The following GALNT17 variants were observed in gnomAD, a reference collection of about 807,000 sequenced individuals.
GALNT17 encodes the protein UDP-GalNAc:polypeptide N-acetylgalactosaminyltransferase-like 3.
Under a neutral mutation model 63.7 loss-of-function variants are expected in GALNT17, and 29 were observed. The ratio of observed to expected loss-of-function variants is 0.46; its 90% CI spans 0.34 to 0.62. The LOEUF (loss-of-function observed/expected upper bound fraction) is 0.62. Ranked by LOEUF, GALNT17 falls within the 20% of genes least tolerant of loss-of-function variation. GALNT17 has a pLI of 0.01. For missense variants in GALNT17, 603 were observed against 799.6 expected (o/e 0.75, Z 2.97); for synonymous variants, 305 against 318.3 (o/e 0.96, Z 0.45).
At chr7:71,285,650 A>G (rs934147085) in intron 1 of GALNT17, among the ~76,000 whole-genome samples, 2 of 152,198 alleles carry the variant, frequency 1.3e-5, no homozygotes, top group Non-Finnish European at 2.9e-5. Context: ...TGGTGCTTTT[A>G]TAAAAGAGAC....
chr7:71,564,278 C>CTTTTTTTTTTTTTTTTTTTTTTTTTT (rs10539122), intron 5 of GALNT17, among the ~76,000 whole-genome samples: 8 of 98,012 alleles, frequency 8.2e-5, no homozygotes, highest in South Asian at 4.0e-4. Flanking sequence ...CTTTTCTTTT[C>CTTTTTTTTTTTTTTTTTTTTTTTTTT]TTTTTTTTTT....
chr7:71,525,269 G>A (rs538676502), intron 5 of GALNT17, among the ~76,000 whole-genome samples: 2 of 152,060 alleles, frequency 1.3e-5, no homozygotes, highest in East Asian at 1.9e-4. Flanking sequence ...TCCGCCTCCC[G>A]GGTTCAAGTG....
chr7:71,232,833 G>A (rs1789817730), intron 1 of GALNT17, among the ~76,000 whole-genome samples: 1 of 152,136 alleles, frequency 6.6e-6, no homozygotes, highest in East Asian at 1.9e-4. Context: ...GCAGTGGTGG[G>A]CTGTCATGGT....
rs573843401 is a variant in GALNT17 at position 71,525,831 on chromosome 7, C to T, written c.963-45454C>T. Among the ~76,000 whole-genome samples the T allele has an allele frequency of 2.0e-5, 3 of 149,448 alleles. No homozygotes were observed. The Admixed American group carries it at 2.0e-4, about 10-fold the overall frequency. ...CTTGGCTCACTGCAGCCTCCACCTT[C>T]CAGGTTCAAGTGATTCTCCTGCCTC... On this transcript the variant is annotated intron_variant, in intron 5 of 10. Coordinates refer to ENST00000333538, the MANE Select transcript of GALNT17 (RefSeq NM_022479.3).
intron 2 of GALNT17, among the ~76,000 whole-genome samples, chr7:71,374,215 A>G (rs1792679031): frequency 6.6e-6 from 1 of 152,232 alleles, no homozygotes; most frequent in African/African-American, 2.4e-5. Context: ...CTTTGGAGTC[A>G]GGTAGATAAA....
intron 1 of GALNT17, among the ~76,000 whole-genome samples, chr7:71,317,269 C>G (rs1010132539): frequency 6.6e-6 from 1 of 152,220 alleles, no homozygotes; most frequent in African/African-American, 2.4e-5. Flanking sequence ...AGGAATCTGC[C>G]TGGTCAGATG....
At chr7:71,374,907 T>C (rs969574082) in intron 2 of GALNT17, among the ~76,000 whole-genome samples, 2 of 148,246 alleles carry the variant, frequency 1.3e-5, no homozygotes, top group African/African-American at 2.5e-5. Context: ...TGGCGCAATC[T>C]TGGCTCACCG....
At chr7:71,436,729 T>C (rs4717595) in intron 5 of GALNT17, among the ~76,000 whole-genome samples, 10 of 149,406 alleles carry the variant, frequency 6.7e-5, no homozygotes, top group African/African-American at 2.4e-4. Flanking sequence ...AAAAAAAAAA[T>C]AAAAAATAAA....
chr7:71,404,687 G>A (rs368355680), intron 3 of GALNT17, among the ~76,000 whole-genome samples: 93 of 152,358 alleles, frequency 6.1e-4, no homozygotes, highest in South Asian at 5.4e-3. Flanking sequence ...TGGGGTGTGT[G>A]TGTATCACCA....
At position 71,150,942 on chromosome 7, in the gene GALNT17, A is replaced by G. The variant is rs1389904430; in HGVS notation, c.238+17902A>G. Among the ~76,000 whole-genome samples the G allele has an allele frequency of 2.8e-5, 4 of 143,434 alleles. No individual in the cohort carries two copies. The Admixed American group carries it at 3.0e-4, about 11-fold the overall frequency. 94.1% of individuals were successfully genotyped at this position (143,434 alleles called of 152,430 possible). On this transcript the variant is annotated intron_variant, in intron 1 of 10. Transcript: ENST00000333538. ...CAGTGTGCCATGATCACACCACTGC[A>G]CTCCAGCCTGGGGAACACAGTGAGA... is the stretch of plus-strand genomic sequence containing the variant.
intron 5 of GALNT17, among the ~76,000 whole-genome samples, chr7:71,431,774 G>T (rs147189797): frequency 6.6e-6 from 1 of 152,194 alleles, no homozygotes; most frequent in East Asian, 1.9e-4. Context: ...GTGTGTTTGG[G>T]GTCTTAAAGC....
chr7:71,411,844 TG>T (rs1166801052), intron 3 of GALNT17, among the ~76,000 whole-genome samples: 5 of 152,226 alleles, frequency 3.3e-5, no homozygotes, highest in African/African-American at 1.2e-4. Context: ...GAGCAGCTTT[TG>T]GAGGACAGGG....
intron 6 of GALNT17, among the ~76,000 whole-genome samples, chr7:71,615,589 G>T (rs1206354158): frequency 6.9e-6 from 1 of 145,202 alleles, no homozygotes; most frequent in East Asian, 2.1e-4. Context: ...GGATTCTCCT[G>T]CCTCACCCTC....
chr7:71,501,040 G>T (rs1400010913), intron 5 of GALNT17, among the ~76,000 whole-genome samples: 2 of 152,088 alleles, frequency 1.3e-5, no homozygotes, highest in African/African-American at 2.4e-5. Context: ...TGTGATCTTA[G>T]CTCACTGCAA....
chr7:71,284,609 C>T (rs1047518373), intron 1 of GALNT17: 3 of 152,118 alleles, frequency 2.0e-5, no homozygotes, highest in Non-Finnish European at 4.4e-5. Context: ...TTGTAAGTTT[C>T]CTGAGGCCTC....
chr7:71,637,358 G>A (rs753165261), intron 6 of GALNT17, among the ~76,000 whole-genome samples: 2 of 151,834 alleles, frequency 1.3e-5, no homozygotes, highest in African/African-American at 2.4e-5. Context: ...CTAATTTTTT[G>A]TATTTTAGTA....
chr7:71,537,262 G>A (rs1469179917), intron 5 of GALNT17, among the ~76,000 whole-genome samples: 1 of 152,144 alleles, frequency 6.6e-6, no homozygotes, highest in Non-Finnish European at 1.5e-5. Context: ...GGAGAAGTGT[G>A]GCTTAAATCT....
chr7:71,306,480 T>C (rs1441042049), intron 1 of GALNT17, among the ~76,000 whole-genome samples: 1 of 152,122 alleles, frequency 6.6e-6, no homozygotes, highest in Non-Finnish European at 1.5e-5. Context: ...AGTGAAATCA[T>C]ACAGTAATTG....
At chr7:71,498,185 GAGAA>G (rs1233144534) in intron 5 of GALNT17, among the ~76,000 whole-genome samples, 5 of 152,080 alleles carry the variant, frequency 3.3e-5, no homozygotes, top group Admixed American at 3.3e-4. Context: ...ATATAAAAGA[GAGAA>G]AGAGGGCTGG....
Sources: allele counts gnomAD v4.1 joint callset (sites outside exome capture counted in the v4.1 genomes callset), GRCh38; gene constraint gnomAD v4.1.1; transcripts MANE v1.5; gene names NCBI Gene and HGNC (gene_info 2026-07-23, HGNC 2026-07-21).